The following TEX14 variants were observed in gnomAD, a reference collection of about 807,000 sequenced individuals.
TEX14 encodes testis expressed 14, intercellular bridge forming factor.
Under a neutral mutation model 178.6 loss-of-function variants are expected in TEX14, and 168 were observed. The observed-to-expected ratio is 0.94, with a 90% CI of 0.83 to 1.07. TEX14 has a LOEUF of 1.07. Among genes scored for constraint, TEX14 ranks in the 50% least tolerant of loss-of-function variants. The pLI, the probability that TEX14 is intolerant of heterozygous loss-of-function variation, is 0.00. For missense variants in TEX14, 1,730 were observed against 1,753.6 expected, an observed-to-expected ratio of 0.99 and a Z score of 0.24; for synonymous variants, 626 against 634.1, an observed-to-expected ratio of 0.99 and a Z score of 0.19.
At chr17:58,604,396 G>A (rs1040501788) in intron 11 of TEX14, among the ~76,000 whole-genome samples, 8 of 151,034 alleles carry the variant, frequency 5.3e-5, no homozygotes, top group African/African-American at 1.2e-4. Flanking sequence ...GCTTGGACCC[G>A]GGAGGCAGAG....
In TEX14 at chr17:58,572,126, C is replaced by T; in HGVS notation, c.3512G>A (p.Gly1171Glu). 6.2e-7 allele frequency: 1 copy of T among 1,601,258 alleles called. No individual in the cohort carries two copies. The highest frequency in any genetic ancestry group is 1.7e-4 in the Middle Eastern group (1 of 6,020). Residue 1171 changes from glycine to glutamate, a missense_variant and splice_region_variant, in exon 24 of 32, where the codon GGG (glycine) becomes GAG (glutamate). Physicochemically the swap from Gly to Glu is moderately conservative, Grantham distance 98 (BLOSUM62 -2). Around this residue, in one of 2 missense-constraint regions of TEX14, gnomAD observed 941 missense variants for 1,072.4 expected, o/e 0.88. Transcript: ENST00000349033. ...PTSVSTPLSP[G>E]SVSSAASQYK... is the part of the protein sequence containing the mutation. Reference sequence around the variant, plus strand: ...CTGACTGGCAGCTGAAGAAACGGACCCTGTTGGAGAAAAGCGGAAGGTTAC... The same window carrying T: ...CTGACTGGCAGCTGAAGAAACGGACTCTGTTGGAGAAAAGCGGAAGGTTAC...
intron 19 of TEX14, among the ~76,000 whole-genome samples, chr17:58,582,918 A>G (rs8071916): frequency 0.64 from 96,263 of 150,778 alleles, 31,016 homozygotes; most frequent in African/African-American, 0.71. Context: ...TGCTTATTTC[A>G]CAATATTCAG....
chr17:58,563,876 C>A (rs1429704912), intron 28 of TEX14, among the ~76,000 whole-genome samples: 1 of 149,714 alleles, frequency 6.7e-6, no homozygotes, highest in East Asian at 2.0e-4. Flanking sequence ...AGAAGATATA[C>A]AAATGGCCAA....
In TEX14 at chr17:58,579,678, T is replaced by C; in HGVS notation, c.3225A>G (p.Gln1075=). Residue 1075 remains glutamine, a synonymous_variant, in exon 20 of 32, where the codon CAA becomes CAG. Coordinates refer to ENST00000349033, the MANE Select transcript of TEX14 (RefSeq NM_031272.5). The part of the protein sequence containing the change: ...DFEGIQGAFA[Q]PQVSGEEKFQ... ...AGGGCTTATTACCAGAGACTTGAGG[T>C]TGGGCAAATGCACCTTGTATTCCTT... is the stretch of plus-strand genomic sequence containing the variant. The C allele has an allele frequency of 6.2e-7, 1 of 1,613,896 alleles. No homozygotes were observed. The highest frequency in any genetic ancestry group is 1.3e-5 in the African/African-American group (1 of 75,034).
At chr17:58,637,852 C>T (rs1249182766) in intron 2 of TEX14, among the ~76,000 whole-genome samples, 1 of 146,246 alleles carries the variant, frequency 6.8e-6, no homozygotes. Flanking sequence ...TTACAACCTA[C>T]TGCCTTTTTT....
chr17:58,594,068 T>C (rs895625483), intron 14 of TEX14, among the ~76,000 whole-genome samples: 1 of 152,002 alleles, frequency 6.6e-6, no homozygotes, highest in African/African-American at 2.4e-5. Flanking sequence ...ATCTTGACTT[T>C]GTGATCCACC....
At position 58,605,787 on chromosome 17, in the gene TEX14, C is replaced by T. The variant is rs559948236; in HGVS notation, c.1185-658G>A. Among the ~76,000 whole-genome samples, 30 of 152,318 alleles carry T rather than the reference C, an allele frequency of 2.0e-4. 1 individual carries two copies. In the East Asian group the frequency reaches 2.1e-3, roughly 11 times the overall value. ...CCTCAAGGAGGCCCTCCCTGACTGCCTAATCTAAAGTAGTCCTGTTTTATT... is the reference window on the plus strand; with the variant it reads ...CCTCAAGGAGGCCCTCCCTGACTGCTTAATCTAAAGTAGTCCTGTTTTATT... On this transcript the variant is annotated intron_variant, in intron 10 of 31. Coordinates refer to ENST00000349033, the MANE Select transcript of TEX14 (RefSeq NM_031272.5).
Position 58,585,997 on chromosome 17 carries a change from C to G in TEX14, c.2874G>C (p.Glu958Asp). The G allele has an allele frequency of 1.9e-6, 3 of 1,614,140 alleles. No homozygotes were observed. In the African/African-American group the frequency reaches 4.0e-5, roughly 22 times the overall value. Residue 958 changes from glutamate (E) to aspartate (D), a missense_variant, in exon 18 of 32, where the codon GAG becomes GAC. Physicochemically the swap from Glu to Asp is conservative, Grantham distance 45 (BLOSUM62 2). Coordinates refer to ENST00000349033, the MANE Select transcript of TEX14 (RefSeq NM_031272.5). Reference protein sequence around the residue: ...PWHPQSSLTLESEAENEPDAL... With the variant: ...PWHPQSSLTLDSEAENEPDAL... ...CGTCGGGCTCATTTTCAGCCTCGCT[C>G]TCTAAAGTCAGACTACTCTGAGGAT...
intron 2 of TEX14, among the ~76,000 whole-genome samples, chr17:58,651,096 T>A (rs972823928): frequency 2.6e-4 from 39 of 152,100 alleles, no homozygotes; most frequent in Non-Finnish European, 2.9e-5. Flanking sequence ...GGCGAAAGCA[T>A]CTCTACAAAA....
intron 2 of TEX14, among the ~76,000 whole-genome samples, chr17:58,651,451 G>C (rs1480879857): frequency 6.6e-6 from 1 of 152,122 alleles, no homozygotes; most frequent in Non-Finnish European, 1.5e-5. Flanking sequence ...CCTTCAGCTA[G>C]AAAACCCCAG....
intron 19 of TEX14, chr17:58,581,617 A>G (rs1460449325): frequency 6.2e-7 from 1 of 1,613,714 alleles, no homozygotes; most frequent in South Asian, 1.1e-5. Context: ...TTACCTCTAG[A>G]GCTAAGTTTT....
At chr17:58,593,812 C>T (rs1001777130) in intron 14 of TEX14, 151 bp from the exon 15 acceptor site, 3 of 657,722 alleles carry the variant, frequency 4.6e-6, no homozygotes, top group African/African-American at 3.6e-5. Flanking sequence ...TCTGCTAACC[C>T]ATCTCTTATC....
At chr17:58,599,697 T>A (rs1410906208) in intron 13 of TEX14, 31 bp from the exon 14 acceptor site, 1 of 1,570,756 alleles carries the variant, frequency 6.4e-7, no homozygotes, top group South Asian at 1.1e-5. Context: ...ATGCAACTCA[T>A]TAAAATGAAC....
intron 2 of TEX14, among the ~76,000 whole-genome samples, chr17:58,635,681 C>T (rs1258195744): frequency 6.6e-6 from 1 of 151,968 alleles, no homozygotes; most frequent in Non-Finnish European, 1.5e-5. Flanking sequence ...CCACCTGCCT[C>T]GGCCTCCAAA....
At position 58,610,676 on chromosome 17, in the gene TEX14, G is replaced by A. The variant is rs567079813; in HGVS notation, c.1184+485C>T. Reference sequence around the variant, plus strand: ...CGAAGTGGGCGGATCACCTGAGGTCGGGAGTTTGAGACCAGCCTGGCCAAC... The same window carrying A: ...CGAAGTGGGCGGATCACCTGAGGTCAGGAGTTTGAGACCAGCCTGGCCAAC... On this transcript the variant is annotated intron_variant, in intron 10 of 31. Transcript: ENST00000349033. Among the ~76,000 whole-genome samples, 8 of 152,176 alleles carry A rather than the reference G, an allele frequency of 5.3e-5. No individual in the cohort carries two copies. In the South Asian group the frequency reaches 6.2e-4, roughly 12 times the overall value.
intron 3 of TEX14, among the ~76,000 whole-genome samples, chr17:58,625,131 T>G (rs980314775): frequency 3.3e-4 from 36 of 110,756 alleles, no homozygotes; most frequent in African/African-American, 1.7e-3. Flanking sequence ...TTTTTTGGGT[T>G]TTTTTTTTTT....
At chr17:58,588,347 G>A (rs926792942) in intron 15 of TEX14, among the ~76,000 whole-genome samples, 18 of 152,208 alleles carry the variant, frequency 1.2e-4, no homozygotes, top group Admixed American at 3.9e-4. Flanking sequence ...ACCCAGGAGT[G>A]CAGTGGTACG....
intron 2 of TEX14, among the ~76,000 whole-genome samples, chr17:58,642,406 C>G (rs979958737): frequency 2.6e-5 from 4 of 152,302 alleles, no homozygotes; most frequent in South Asian, 4.1e-4. Context: ...TCTTTAGAGA[C>G]AGCCAAATGC....
chr17:58,599,725 A>T, intron 13 of TEX14, 59 bp from the exon 14 acceptor site: 1 of 1,393,626 alleles, frequency 7.2e-7, no homozygotes, highest in Non-Finnish European at 9.8e-7. Flanking sequence ...GCAGCTAAGC[A>T]GCCTTGGCTT....
Sources: gnomAD v4.1 joint callset for allele counts (sites outside exome capture counted in the v4.1 genomes callset) on GRCh38, gnomAD v4.1.1 for gene constraint, gnomAD v4.1.1 regional missense constraint, MANE v1.5 for transcripts, NCBI Gene and HGNC (gene_info 2026-07-23, HGNC 2026-07-21) for gene names.